The following KMO variants were observed in gnomAD, a reference collection of about 807,000 sequenced individuals.
KMO encodes the protein kynurenine 3-hydroxylase.
In KMO, 24 loss-of-function variants were observed where a neutral mutation model predicts 57.8. That is an observed-to-expected ratio of 0.42 (90% CI 0.30 to 0.58). KMO has a LOEUF of 0.58. KMO is among the 20% of genes least tolerant of loss of function. The probability of loss-of-function intolerance (pLI) is 0.22; values close to 1 mark genes in which losing one functional copy is unlikely to be tolerated. For synonymous variants in KMO, 210 were observed against 193.6 expected (o/e 1.08, Z -0.70); for missense variants, 483 against 588.2 (o/e 0.82, Z 1.85).
chr1:241,547,483 TAAACAGAC>T (rs1279129412), intron 1 of KMO, among the ~76,000 whole-genome samples: 9 of 149,106 alleles, frequency 6.0e-5, no homozygotes, highest in Non-Finnish European at 8.9e-5. Flanking sequence ...GCAAAAGATC[TAAACAGAC>T]ACTTGGTGAA....
intron 10 of KMO, among the ~76,000 whole-genome samples, chr1:241,577,209 T>C (rs1052986558): frequency 6.6e-6 from 1 of 152,136 alleles, no homozygotes; most frequent in Admixed American, 6.5e-5. Flanking sequence ...AACTTAATAA[T>C]GTTTTGACAT....
In KMO at chr1:241,594,464, C is replaced by A; in HGVS notation, c.*2311C>A. On this transcript the variant is annotated 3_prime_UTR_variant, in exon 15 of 15. Coordinates refer to ENST00000366559, the MANE Select transcript of KMO (RefSeq NM_003679.5). ...GAACTTGGATTACATCAACTTTGGA[C>A]CCATTGGTTTTGTCGCTGTCGTCAA... 1 of 1,614,086 alleles carries A rather than the reference C, an allele frequency of 6.2e-7. No individual in the cohort carries two copies. Among genetic ancestry groups the A allele is most frequent in the South Asian group, 1.1e-5 (1 of 91,080 alleles).
chr1:241,570,143 G>A (rs1278684734), intron 10 of KMO, among the ~76,000 whole-genome samples: 1 of 151,862 alleles, frequency 6.6e-6, no homozygotes, highest in South Asian at 2.1e-4. Flanking sequence ...TTGTCAGATG[G>A]GTAGTTTGCA....
intron 8 of KMO, among the ~76,000 whole-genome samples, chr1:241,565,929 G>A (rs1050326194): frequency 2.6e-5 from 4 of 152,138 alleles, no homozygotes; most frequent in African/African-American, 9.7e-5. Flanking sequence ...TGTAGGCTGG[G>A]CGTGGTGGCT....
At chr1:241,557,392 A>C (rs986203828) in intron 5 of KMO, among the ~76,000 whole-genome samples, 7 of 151,992 alleles carry the variant, frequency 4.6e-5, no homozygotes, top group Non-Finnish European at 1.0e-4. Context: ...AGCCCAGTAG[A>C]CTCTGATTTT....
At chr1:241,562,620 G>C (rs767432088) in intron 7 of KMO, among the ~76,000 whole-genome samples, 1 of 152,080 alleles carries the variant, frequency 6.6e-6, no homozygotes, top group Non-Finnish European at 1.5e-5. Flanking sequence ...CAGGAGGATC[G>C]CTTGAACCCA....
rs1663370673 is a variant in KMO, at chr1:241,592,867, C to G, written c.*714C>G. 6.4e-6 allele frequency: 1 copy of G among 155,712 alleles called. No homozygotes were observed. Among genetic ancestry groups the G allele is most frequent in the Non-Finnish European group, 1.4e-5 (1 of 70,294 alleles). 9.6% of individuals were successfully genotyped at this position (155,712 alleles called of 1,614,324 possible). ...CCAGGCTGGAGTGCAGTGGTGAGATCTGGGTTCACTGCAACCTCTGCCTCC... is the reference window on the plus strand; with the variant it reads ...CCAGGCTGGAGTGCAGTGGTGAGATGTGGGTTCACTGCAACCTCTGCCTCC... On this transcript the variant is annotated 3_prime_UTR_variant, in exon 15 of 15. Transcript: ENST00000366559.
chr1:241,542,376 G>A (rs1176708017), intron 1 of KMO, among the ~76,000 whole-genome samples: 1 of 152,212 alleles, frequency 6.6e-6, no homozygotes, highest in East Asian at 1.9e-4. Flanking sequence ...AGTATGACGA[G>A]ACAGAAGAAA....
intron 4 of KMO, among the ~76,000 whole-genome samples, chr1:241,551,952 G>A (rs1268849810): frequency 1.3e-5 from 2 of 152,164 alleles, no homozygotes; most frequent in Admixed American, 6.5e-5. Context: ...ACTGAGTTGA[G>A]AGTGAAATCA....
chr1:241,550,900 C>A, intron 3 of KMO, 55 bp from the exon 4 acceptor site: 1 of 789,890 alleles, frequency 1.3e-6, no homozygotes, highest in Non-Finnish European at 2.0e-6. Flanking sequence ...TTCTATCTTT[C>A]TTGCATAATG....
intron 10 of KMO, among the ~76,000 whole-genome samples, chr1:241,578,297 G>A (rs745993412): frequency 2.0e-4 from 30 of 152,172 alleles, no homozygotes; most frequent in Non-Finnish European, 1.2e-4. Context: ...GCTGAGCCCA[G>A]CACTGCAAAC....
chr1:241,549,462 C>CT (rs770727345), intron 2 of KMO, among the ~76,000 whole-genome samples: 9 of 151,754 alleles, frequency 5.9e-5, no homozygotes, highest in Non-Finnish European at 8.8e-5. Flanking sequence ...TAATAAAACG[C>CT]TTTTCTTAAA....
rs114951112 is a variant in KMO, at chr1:241,594,031, C to T, written c.*1878C>T. On this transcript the variant is annotated 3_prime_UTR_variant, in exon 15 of 15. Coordinates refer to ENST00000366559, the MANE Select transcript of KMO (RefSeq NM_003679.5). ...AGAGTCCAACAGTACAAAAAAAATTCAGTATGTTCTAGCTACTTCACACAT... is the reference window on the plus strand; with the variant it reads ...AGAGTCCAACAGTACAAAAAAAATTTAGTATGTTCTAGCTACTTCACACAT... 431 of 175,918 alleles carry T rather than the reference C, an allele frequency of 2.5e-3. 2 individuals are homozygous for T. Among genetic ancestry groups the T allele is most frequent in the African/African-American group, 0.01 (420 of 41,918 alleles). 10.9% of individuals were successfully genotyped at this position (175,918 alleles called of 1,614,324 possible).
intron 7 of KMO, among the ~76,000 whole-genome samples, chr1:241,562,621 C>T (rs896928931): frequency 2.0e-5 from 3 of 152,146 alleles, no homozygotes; most frequent in Admixed American, 2.0e-4. Flanking sequence ...AGGAGGATCG[C>T]TTGAACCCAA....
chr1:241,562,902 GGAA>G (rs56286611), intron 7 of KMO, among the ~76,000 whole-genome samples: 35,748 of 92,694 alleles, frequency 0.39, 5,244 homozygotes, highest in Middle Eastern at 0.45. Flanking sequence ...AAGGAAGGAA[GGAA>G]GGAAGGAAGG....
chr1:241,555,954 G>A (rs561611639), intron 5 of KMO, among the ~76,000 whole-genome samples: 12 of 152,136 alleles, frequency 7.9e-5, no homozygotes, highest in South Asian at 4.2e-4. Flanking sequence ...GTGTAGAAGC[G>A]TGTACCTATA....
At chr1:241,560,923 A>C (rs994813241) in intron 6 of KMO, among the ~76,000 whole-genome samples, 171 bp downstream of exon 6, 1 of 152,244 alleles carries the variant, frequency 6.6e-6, no homozygotes, top group South Asian at 2.1e-4. Flanking sequence ...CCTGATGGCC[A>C]TCTGAACACC....
intron 4 of KMO, among the ~76,000 whole-genome samples, chr1:241,554,816 C>CAAAA (rs11398893): frequency 2.2e-4 from 26 of 118,392 alleles, no homozygotes; most frequent in African/African-American, 5.9e-4. Flanking sequence ...ACTAAAAATA[C>CAAAA]AAAAAAAAAA....
chr1:241,548,951 C>T (rs1368663203), intron 2 of KMO, 53 bp downstream of exon 2: 1 of 1,235,600 alleles, frequency 8.1e-7, no homozygotes, highest in Non-Finnish European at 1.2e-6. Flanking sequence ...TGGCTCCTGG[C>T]ACTTTGGGAG....
Sources: allele counts gnomAD v4.1 joint callset (sites outside exome capture counted in the v4.1 genomes callset), GRCh38; gene constraint gnomAD v4.1.1; transcripts MANE v1.5; gene names NCBI Gene and HGNC (gene_info 2026-07-23, HGNC 2026-07-21).